Variants in NTRK2 observed in about 807,000 individuals in gnomAD.
NTRK2 encodes BDNF/NT-3 growth factors receptor.
Under a neutral mutation model 94.5 loss-of-function variants are expected in NTRK2, and 13 were observed. The ratio of observed to expected loss-of-function variants is 0.14; its 90% CI spans 0.09 to 0.22. The LOEUF (loss-of-function observed/expected upper bound fraction) is 0.22. Ranked by LOEUF, NTRK2 falls within the 10% of genes least tolerant of loss-of-function variation. NTRK2 has a pLI of 1.00. For missense variants in NTRK2, 639 were observed against 1,071.2 expected (o/e 0.60, Z 5.63); for synonymous variants, 372 against 407.4 (o/e 0.91, Z 1.05).
chr9:84,820,452 G>A (rs940101518), intron 12 of NTRK2, among the ~76,000 whole-genome samples: 5 of 152,080 alleles, frequency 3.3e-5, no homozygotes, highest in African/African-American at 4.8e-5. Flanking sequence ...TTACAGGTGT[G>A]AGCCACCGTG....
intron 17 of NTRK2, among the ~76,000 whole-genome samples, chr9:84,966,077 G>A (rs1812805204): frequency 1.3e-5 from 2 of 152,180 alleles, no homozygotes; most frequent in Non-Finnish European, 2.9e-5. Context: ...TTGCCTGAGG[G>A]ATTCTGCTTA....
intron 14 of NTRK2, among the ~76,000 whole-genome samples, chr9:84,870,194 A>G (rs1244555612): frequency 7.0e-6 from 1 of 143,006 alleles, no homozygotes; most frequent in Non-Finnish European, 1.5e-5. Flanking sequence ...ATATAAGTAT[A>G]TGTACATATA....
intron 12 of NTRK2, among the ~76,000 whole-genome samples, chr9:84,820,866 A>G (rs2072769006): frequency 6.6e-6 from 1 of 152,202 alleles, no homozygotes; most frequent in South Asian, 2.1e-4. Context: ...TAAGAGAACA[A>G]TGGCTTAAAA....
intron 14 of NTRK2, chr9:84,876,904 A>G (rs905998412): frequency 2.8e-6 from 3 of 1,061,500 alleles, no homozygotes; most frequent in Non-Finnish European, 3.4e-6. Context: ...CTCTTTTTAC[A>G]TGTGAGATTT....
Position 84,860,940 on chromosome 9 carries a change from G to A in NTRK2, c.1397-100G>A, listed in dbSNP as rs965013919. Reference sequence around the variant, plus strand: ...ATTTATTTATTTATTTATTTTTGTCGGGGGGAGTTTGTTGCATTATTTGAC... The same window carrying A: ...ATTTATTTATTTATTTATTTTTGTCAGGGGGAGTTTGTTGCATTATTTGAC... On this transcript the variant is annotated intron_variant, in intron 12 of 18. Transcript: ENST00000277120. 27 of 555,918 alleles carry A rather than the reference G, an allele frequency of 4.9e-5. 1 individual carries two copies. Among genetic ancestry groups the A allele is most frequent in the African/African-American group, 3.6e-4 (18 of 49,794 alleles). 34.4% of individuals were successfully genotyped at this position (555,918 alleles called of 1,614,324 possible).
intron 12 of NTRK2, among the ~76,000 whole-genome samples, chr9:84,800,608 C>T (rs568725811): frequency 2.0e-5 from 3 of 152,340 alleles, no homozygotes; most frequent in South Asian, 4.1e-4. Flanking sequence ...AAAACATTTC[C>T]TTGTGGTCCC....
At chr9:84,995,383 G>C (rs1279205254) in intron 17 of NTRK2, among the ~76,000 whole-genome samples, 2 of 150,570 alleles carry the variant, frequency 1.3e-5, no homozygotes, top group Non-Finnish European at 2.9e-5. Flanking sequence ...TTTGTTTTTT[G>C]TTTGTTTGTT....
chr9:84,883,902 A>T (rs1394995504), intron 14 of NTRK2, among the ~76,000 whole-genome samples: 1 of 152,260 alleles, frequency 6.6e-6, no homozygotes, highest in Non-Finnish European at 1.5e-5. Context: ...TTTTCTCAAG[A>T]GAAAATATGC....
intron 12 of NTRK2, among the ~76,000 whole-genome samples, chr9:84,822,282 T>A (rs778529794): frequency 6.6e-6 from 1 of 152,208 alleles, no homozygotes; most frequent in Non-Finnish European, 1.5e-5. Context: ...TTCTTCTTTT[T>A]CTTTTTCACT....
intron 17 of NTRK2, among the ~76,000 whole-genome samples, chr9:84,958,955 G>A (rs1368330401): frequency 6.6e-6 from 1 of 152,060 alleles, no homozygotes; most frequent in Non-Finnish European, 1.5e-5. Flanking sequence ...TCCTGCGGTG[G>A]CTAAGTCCCA....
Position 84,973,908 on chromosome 9 carries a change from T to A in NTRK2, c.2172+18391T>A, listed in dbSNP as rs1826487593. 2.0e-5 allele frequency among the ~76,000 whole-genome samples: 3 copies of A among 152,236 alleles called. No homozygotes were observed. In the South Asian group the frequency reaches 6.2e-4, roughly 32 times the overall value. On this transcript the variant is annotated intron_variant, in intron 17 of 18. Coordinates refer to ENST00000277120, the MANE Select transcript of NTRK2 (RefSeq NM_006180.6). ...ATTTAAAAAAAACAAAGATACAGTT[T>A]CTCCTACAGAATGTACAGTTTTGCT... is the stretch of plus-strand genomic sequence containing the variant.
intron 6 of NTRK2, among the ~76,000 whole-genome samples, chr9:84,720,038 A>C (rs2061961899): frequency 7.1e-6 from 1 of 139,970 alleles, no homozygotes; most frequent in South Asian, 2.3e-4. Context: ...AAAAAAAAAA[A>C]AGGGAGAGGG....
intron 2 of NTRK2, among the ~76,000 whole-genome samples, chr9:84,672,843 ATTG>A (rs986679594): frequency 3.9e-4 from 59 of 152,298 alleles, no homozygotes; most frequent in African/African-American, 1.3e-3. Context: ...TGTCCTCACA[ATTG>A]TTGTTGCTTC....
At chr9:84,958,358 A>C (rs1460122371) in intron 17 of NTRK2, among the ~76,000 whole-genome samples, 1 of 152,248 alleles carries the variant, frequency 6.6e-6, no homozygotes, top group Non-Finnish European at 1.5e-5. Flanking sequence ...TTATTTACAC[A>C]TTGTAAAAAC....
intron 14 of NTRK2, among the ~76,000 whole-genome samples, chr9:84,906,227 G>C (rs2077071662): frequency 6.6e-6 from 1 of 152,236 alleles, no homozygotes; most frequent in East Asian, 1.9e-4. Flanking sequence ...TTCCAGACTT[G>C]GGAATGCCTA....
chr9:84,879,944 A>C (rs1389439049), intron 14 of NTRK2, among the ~76,000 whole-genome samples: 1 of 152,230 alleles, frequency 6.6e-6, no homozygotes, highest in African/African-American at 2.4e-5. Flanking sequence ...ATATAGGCTC[A>C]CTGGCCTGTG....
At chr9:85,008,901 C>T (rs1208525763) in intron 17 of NTRK2, among the ~76,000 whole-genome samples, 1 of 152,228 alleles carries the variant, frequency 6.6e-6, no homozygotes, top group East Asian at 1.9e-4. Flanking sequence ...GGGCTGTTCT[C>T]CAAGGGAAAC....
chr9:84,816,044 G>A (rs1009419665), intron 12 of NTRK2, among the ~76,000 whole-genome samples: 2 of 150,390 alleles, frequency 1.3e-5, no homozygotes, highest in African/African-American at 2.4e-5. Context: ...TAAATTCTAT[G>A]GCAAAGCCCT....
chr9:84,988,174 T>C (rs1257564487), intron 17 of NTRK2, among the ~76,000 whole-genome samples: 1 of 152,180 alleles, frequency 6.6e-6, no homozygotes, highest in Non-Finnish European at 1.5e-5. Flanking sequence ...TTGTGAGATC[T>C]AGAAGACATG....
Sources: gnomAD v4.1 joint callset for allele counts (sites outside exome capture counted in the v4.1 genomes callset) on GRCh38, gnomAD v4.1.1 for gene constraint, MANE v1.5 for transcripts, NCBI Gene and HGNC (gene_info 2026-07-23, HGNC 2026-07-21) for gene names.